The following SLC24A3 variants were observed in gnomAD, a reference collection of about 807,000 sequenced individuals.
SLC24A3 encodes the protein solute carrier family 24 member 3.
A neutral mutation model predicts 75.8 loss-of-function variants in SLC24A3; 28 were observed. That is an observed-to-expected ratio of 0.37 (90% CI 0.27 to 0.51). The LOEUF is 0.51. SLC24A3 is among the 20% of genes least tolerant of loss of function. The pLI is 0.94. For synonymous variants in SLC24A3, 372 were observed against 334.1 expected (o/e 1.11, Z -1.24); for missense variants, 663 against 847.8 (o/e 0.78, Z 2.71).
intron 2 of SLC24A3, among the ~76,000 whole-genome samples, chr20:19,485,208 G>A (rs1369128851): frequency 1.3e-5 from 2 of 152,166 alleles, no homozygotes; most frequent in Non-Finnish European, 2.9e-5. Context: ...GATACACAAA[G>A]AAGTGTGCAT....
rs376050011 is a variant in SLC24A3, at chr20:19,444,959, G to A, written c.272-70529G>A. On this transcript the variant is annotated intron_variant, in intron 2 of 16. Transcript: ENST00000328041. The stretch of plus-strand genomic sequence containing the variant: ...TTTTGGATCTCTTTTTTTCTGATAC[G>A]TGCATTCACTGTAAGCACTATTTTC... 5.3e-5 allele frequency among the ~76,000 whole-genome samples: 8 copies of A among 151,604 alleles called. No homozygotes were observed. The South Asian group carries it at 1.0e-3, about 20-fold the overall frequency.
chr20:19,230,773 C>A (rs758235004), intron 1 of SLC24A3, among the ~76,000 whole-genome samples: 3 of 152,128 alleles, frequency 2.0e-5, no homozygotes, highest in Non-Finnish European at 4.4e-5. Flanking sequence ...ATGTCACAAT[C>A]CCTTCTTGTG....
intron 1 of SLC24A3, among the ~76,000 whole-genome samples, chr20:19,261,473 G>T (rs1395479440): frequency 6.6e-6 from 1 of 152,042 alleles, no homozygotes; most frequent in African/African-American, 2.4e-5. Flanking sequence ...ATGAGTAGCT[G>T]GGACTACAGG....
chr20:19,649,122 C>T (rs989414240), intron 6 of SLC24A3, among the ~76,000 whole-genome samples: 1 of 152,236 alleles, frequency 6.6e-6, no homozygotes, highest in African/African-American at 2.4e-5. Context: ...GTCTTCTCAT[C>T]AACCTACTGT....
Position 19,692,176 on chromosome 20 carries a change from T to C in SLC24A3, c.1325-1083T>C, listed in dbSNP as rs367570779. On this transcript the variant is annotated intron_variant, in intron 12 of 16. Coordinates refer to ENST00000328041, the MANE Select transcript of SLC24A3 (RefSeq NM_020689.4). The stretch of plus-strand genomic sequence containing the variant: ...AATGTTATAATATAAAAATTCCTCC[T>C]TAACTCTGGTGGGAATATAAAATGG... Among the ~76,000 whole-genome samples, 12 of 152,230 alleles carry C rather than the reference T, an allele frequency of 7.9e-5. No homozygotes were observed. In the East Asian group the frequency reaches 1.2e-3, roughly 15 times the overall value.
chr20:19,508,459 A>G (rs75707748), intron 2 of SLC24A3, among the ~76,000 whole-genome samples: 2,761 of 149,140 alleles, frequency 0.019, 73 homozygotes, highest in African/African-American at 0.064. Context: ...TTTGATCAAT[A>G]TGTGATGAGT....
Position 19,650,291 on chromosome 20 carries a change from C to A in SLC24A3, c.613-3771C>A, listed in dbSNP as rs572043188. On this transcript the variant is annotated intron_variant, in intron 6 of 16. Coordinates refer to ENST00000328041, the MANE Select transcript of SLC24A3 (RefSeq NM_020689.4). Reference sequence around the variant, plus strand: ...GAAGAGAAAGGATATCACTATCCACCCACATTTGACATCTAGACCTAGTGC... The same window carrying A: ...GAAGAGAAAGGATATCACTATCCACACACATTTGACATCTAGACCTAGTGC... Among the ~76,000 whole-genome samples the A allele has an allele frequency of 5.3e-5, 8 of 152,198 alleles. No individual in the cohort carries two copies. In the East Asian group the frequency reaches 1.4e-3, roughly 26 times the overall value.
At chr20:19,219,204 C>T (rs550479532) in intron 1 of SLC24A3, among the ~76,000 whole-genome samples, 8 of 152,210 alleles carry the variant, frequency 5.3e-5, no homozygotes, top group African/African-American at 1.9e-4. Flanking sequence ...CACTTCCAAC[C>T]TGGAGAGGCA....
At chr20:19,583,961 C>G (rs545302944) in intron 4 of SLC24A3, among the ~76,000 whole-genome samples, 9 of 152,280 alleles carry the variant, frequency 5.9e-5, no homozygotes, top group Admixed American at 5.2e-4. Context: ...TCAATGGAGG[C>G]CAGTGACCTA....
intron 1 of SLC24A3, among the ~76,000 whole-genome samples, chr20:19,259,414 A>G (rs1218272862): frequency 1.3e-5 from 2 of 152,190 alleles, no homozygotes; most frequent in African/African-American, 4.8e-5. Flanking sequence ...TGTTGGCACC[A>G]TGTCACTCTG....
intron 6 of SLC24A3, among the ~76,000 whole-genome samples, chr20:19,595,272 C>A (rs2031437555): frequency 6.6e-6 from 1 of 152,180 alleles, no homozygotes; most frequent in Non-Finnish European, 1.5e-5. Context: ...AGAATGCAGC[C>A]CGTCTCTGCC....
intron 2 of SLC24A3, among the ~76,000 whole-genome samples, chr20:19,484,817 A>G (rs1484598111): frequency 6.6e-6 from 1 of 152,222 alleles, no homozygotes; most frequent in African/African-American, 2.4e-5. Context: ...AAAAAGGGTT[A>G]TGATGAAAAA....
At chr20:19,447,624 T>C (rs1427130459) in intron 2 of SLC24A3, among the ~76,000 whole-genome samples, 3 of 152,174 alleles carry the variant, frequency 2.0e-5, no homozygotes, top group African/African-American at 7.2e-5. Context: ...TTTACCATCA[T>C]TGGAAGTATT....
At chr20:19,495,865 C>G (rs1288285047) in intron 2 of SLC24A3, among the ~76,000 whole-genome samples, 1 of 152,224 alleles carries the variant, frequency 6.6e-6, no homozygotes, top group Non-Finnish European at 1.5e-5. Flanking sequence ...GGCTGGGCAT[C>G]CTGTTGTCAC....
chr20:19,577,038 A>C (rs2031145803), intron 3 of SLC24A3, among the ~76,000 whole-genome samples: 1 of 151,980 alleles, frequency 6.6e-6, no homozygotes, highest in Non-Finnish European at 1.5e-5. Context: ...TACAGCAAGA[A>C]TTATTCTTAA....
intron 2 of SLC24A3, among the ~76,000 whole-genome samples, chr20:19,288,734 CAT>C (rs1397555116): frequency 6.6e-6 from 1 of 152,176 alleles, no homozygotes; most frequent in East Asian, 1.9e-4. Context: ...CAAAAACAAA[CAT>C]AGGGATTATG....
chr20:19,673,340 T>C (rs983201379), intron 8 of SLC24A3, among the ~76,000 whole-genome samples: 2 of 152,234 alleles, frequency 1.3e-5, no homozygotes, highest in African/African-American at 2.4e-5. Flanking sequence ...AAAGGCTTGC[T>C]GCTTTCAAAG....
chr20:19,241,461 C>T (rs771791596), intron 1 of SLC24A3, among the ~76,000 whole-genome samples: 4 of 152,182 alleles, frequency 2.6e-5, no homozygotes, highest in East Asian at 3.8e-4. Context: ...TCAGGCCACT[C>T]GGTTTCTCCA....
intron 6 of SLC24A3, among the ~76,000 whole-genome samples, chr20:19,646,768 G>A (rs555770307): frequency 1.2e-4 from 19 of 152,124 alleles, no homozygotes; most frequent in Non-Finnish European, 2.4e-4. Context: ...ATTTAAAATG[G>A]CATGAATTAG....
Sources: gnomAD v4.1 joint callset for allele counts (sites outside exome capture counted in the v4.1 genomes callset) on GRCh38, gnomAD v4.1.1 for gene constraint, MANE v1.5 for transcripts, NCBI Gene and HGNC (gene_info 2026-07-23, HGNC 2026-07-21) for gene names.